The following PIP5K1A variants were observed in gnomAD, a reference collection of about 807,000 sequenced individuals.
PIP5K1A encodes the protein phosphatidylinositol 4-phosphate 5-kinase type-1 alpha.
A neutral mutation model predicts 72.9 loss-of-function variants in PIP5K1A; 46 were observed. That is an observed-to-expected ratio of 0.63 (90% CI 0.50 to 0.81). The LOEUF is 0.81. PIP5K1A is among the 30% of genes least tolerant of loss of function. The pLI, the probability that PIP5K1A is intolerant of heterozygous loss-of-function variation, is 0.00. For missense variants in PIP5K1A, 458 were observed against 706.1 expected (o/e 0.65, Z 3.98); for synonymous variants, 228 against 255.1 (o/e 0.89, Z 1.01).
chr1:151,199,890 C>T (rs1335599667), intron 1 of PIP5K1A, among the ~76,000 whole-genome samples: 1 of 151,952 alleles, frequency 6.6e-6, no homozygotes, highest in Non-Finnish European at 1.5e-5. Flanking sequence ...CCATCTTTTC[C>T]CTCAGATACT....
chr1:151,215,026 C>CTTTTT (rs981508990), intron 1 of PIP5K1A, among the ~76,000 whole-genome samples: 2 of 115,074 alleles, frequency 1.7e-5, no homozygotes, highest in Non-Finnish European at 3.6e-5. Context: ...CCTGTGCATT[C>CTTTTT]TTTTTTTTTT....
chr1:151,232,402 A>G, intron 6 of PIP5K1A, 37 bp downstream of exon 6: 1 of 1,511,262 alleles, frequency 6.6e-7, no homozygotes, highest in Non-Finnish European at 9.2e-7. Flanking sequence ...TGACTCCAGT[A>G]TCAGAGGGAT....
intron 14 of PIP5K1A, among the ~76,000 whole-genome samples, 174 bp from the exon 15 acceptor site, chr1:151,246,746 G>A (rs770460471): frequency 2.6e-5 from 4 of 152,188 alleles, no homozygotes; most frequent in Middle Eastern, 3.2e-3. Context: ...GCTAAATATG[G>A]TTAATTAAAA....
At chr1:151,227,522 A>G in intron 4 of PIP5K1A, 122 bp downstream of exon 4, 1 of 582,794 alleles carries the variant, frequency 1.7e-6, no homozygotes, top group Non-Finnish European at 3.1e-6. Context: ...AAGCTTTTGC[A>G]CATAATACAG....
intron 14 of PIP5K1A, among the ~76,000 whole-genome samples, chr1:151,243,256 C>T (rs1307313116): frequency 1.1e-4 from 17 of 152,194 alleles, no homozygotes; most frequent in Admixed American, 1.0e-3. Context: ...CCCAGGGTCT[C>T]ATCCCATTGT....
chr1:151,226,951 G>A (rs899449349), intron 3 of PIP5K1A, among the ~76,000 whole-genome samples: 12 of 151,466 alleles, frequency 7.9e-5, no homozygotes, highest in African/African-American at 2.2e-4. Context: ...TGCTTGAACC[G>A]AGGAGGTGGA....
At chr1:151,243,603 G>A (rs1692075281) in intron 14 of PIP5K1A, among the ~76,000 whole-genome samples, 1 of 152,112 alleles carries the variant, frequency 6.6e-6, no homozygotes, top group Admixed American at 6.5e-5. Context: ...GTGGTTCTTG[G>A]CTCTACCCTC....
chr1:151,215,518 C>T (rs952059304), intron 1 of PIP5K1A, among the ~76,000 whole-genome samples: 3 of 151,982 alleles, frequency 2.0e-5, no homozygotes, highest in Admixed American at 6.6e-5. Flanking sequence ...TTAGTAGAGA[C>T]GGGTTTTCAC....
At chr1:151,199,193 T>C in intron 1 of PIP5K1A, 112 bp downstream of exon 1, 1 of 1,572,004 alleles carries the variant, frequency 6.4e-7, no homozygotes, top group Non-Finnish European at 8.6e-7. Context: ...TACCGGTAAG[T>C]GGGCGCGAGC....
chr1:151,216,913 T>G (rs1401240080), intron 1 of PIP5K1A, among the ~76,000 whole-genome samples: 5 of 15,866 alleles, frequency 3.2e-4, no homozygotes, highest in African/African-American at 1.0e-3. Context: ...TTTTTTTTTT[T>G]TTTTTTTTTT....
chr1:151,243,546 T>C (rs931708294), intron 14 of PIP5K1A, among the ~76,000 whole-genome samples: 9 of 152,272 alleles, frequency 5.9e-5, no homozygotes, highest in African/African-American at 1.9e-4. Flanking sequence ...ATCCAGGAAA[T>C]GTTGGAGTTT....
At chr1:151,222,785 G>A (rs1295306250) in intron 1 of PIP5K1A, among the ~76,000 whole-genome samples, 1 of 152,160 alleles carries the variant, frequency 6.6e-6, no homozygotes, top group Non-Finnish European at 1.5e-5. Flanking sequence ...TGTTGCACAA[G>A]CATGTGGGTA....
intron 1 of PIP5K1A, among the ~76,000 whole-genome samples, chr1:151,201,893 A>C (rs372130095): frequency 1.3e-5 from 2 of 152,208 alleles, no homozygotes; most frequent in East Asian, 3.9e-4. Flanking sequence ...AAAGTGGCTA[A>C]ATTTCAAGCT....
chr1:151,208,893 C>T (rs938048583), intron 1 of PIP5K1A, among the ~76,000 whole-genome samples: 7 of 151,366 alleles, frequency 4.6e-5, no homozygotes, highest in South Asian at 2.1e-4. Flanking sequence ...CTACCACGCC[C>T]GGCTAACTTT....
chr1:151,228,921 C>G (rs1240473551), intron 4 of PIP5K1A, among the ~76,000 whole-genome samples: 2 of 151,008 alleles, frequency 1.3e-5, no homozygotes, highest in Non-Finnish European at 2.9e-5. Flanking sequence ...TGGGATCTTG[C>G]ATTTGGGAAG....
At chr1:151,202,442 A>C (rs1041494708) in intron 1 of PIP5K1A, among the ~76,000 whole-genome samples, 1 of 152,162 alleles carries the variant, frequency 6.6e-6, no homozygotes, top group Non-Finnish European at 1.5e-5. Context: ...CATGCAGACA[A>C]AGAAACACTC....
chr1:151,201,035 C>A (rs925167195), intron 1 of PIP5K1A, among the ~76,000 whole-genome samples: 1 of 152,200 alleles, frequency 6.6e-6, no homozygotes, highest in East Asian at 1.9e-4. Flanking sequence ...GGGGTTTCAC[C>A]GTGTTAGCCA....
chr1:151,204,231 C>T (rs776083421), intron 1 of PIP5K1A, among the ~76,000 whole-genome samples: 9 of 152,072 alleles, frequency 5.9e-5, no homozygotes, highest in Non-Finnish European at 1.3e-4. Context: ...GGTTGGAGTG[C>T]AATGGCGCGA....
chr1:151,245,661 G>A lies in PIP5K1A; in HGVS notation c.1641-1259G>A, dbSNP rs587678310. On this transcript the variant is annotated intron_variant, in intron 14 of 15. Coordinates refer to ENST00000368888, the MANE Select transcript of PIP5K1A (RefSeq NM_001135638.2). ...AGCGATTCTCCTACCTCAGCCTCCC[G>A]AGGAGCTGGGATTACAAGCGTGCAC... Among the ~76,000 whole-genome samples the A allele has an allele frequency of 2.2e-4, 33 of 152,126 alleles. 1 individual carries two copies. Among genetic ancestry groups the A allele is most frequent in the African/African-American group, 5.8e-4 (24 of 41,508 alleles).
Sources: gnomAD v4.1 joint callset for allele counts (sites outside exome capture counted in the v4.1 genomes callset) on GRCh38, gnomAD v4.1.1 for gene constraint, MANE v1.5 for transcripts, NCBI Gene and HGNC (gene_info 2026-07-23, HGNC 2026-07-21) for gene names.